The following GC variants were observed in gnomAD, a reference collection of about 807,000 sequenced individuals.
The protein encoded by GC is GC vitamin D binding protein, also known as vitamin D-binding protein.
In GC, 43 loss-of-function variants were observed where a neutral mutation model predicts 56.7. That is an observed-to-expected ratio of 0.76 (90% CI 0.59 to 0.98). The LOEUF is 0.98. Among genes scored for constraint, GC ranks in the 50% least tolerant of loss-of-function variants. The pLI, the probability that GC is intolerant of heterozygous loss-of-function variation, is 0.00. For missense variants in GC, 529 were observed against 545.9 expected (o/e 0.97, Z 0.31); for synonymous variants, 216 against 202.7 (o/e 1.07, Z -0.56).
exon 1 of GC, chr4:71,803,949 C>A (rs1397634560): frequency 6.6e-7 from 1 of 1,504,724 alleles, no homozygotes; most frequent in South Asian, 1.2e-5. Flanking sequence ...CACAGCATTT[C>A]CTACCAGTTG....
At chr4:71,747,224 T>C (rs1185828174) in intron 11 of GC, among the ~76,000 whole-genome samples, 1 of 152,120 alleles carries the variant, frequency 6.6e-6, no homozygotes, top group Non-Finnish European at 1.5e-5. Flanking sequence ...TGGGACAAGA[T>C]ATTGGGGGAG....
intron 1 of GC, among the ~76,000 whole-genome samples, chr4:71,776,650 C>T (rs111978854): frequency 0.03 from 4,509 of 151,720 alleles, 97 homozygotes; most frequent in Middle Eastern, 0.082. Flanking sequence ...ATTTCAAATG[C>T]CTCAGAAAAA....
chr4:71,759,811 A>G (rs1318150200), intron 6 of GC, among the ~76,000 whole-genome samples: 2 of 152,326 alleles, frequency 1.3e-5, no homozygotes, highest in Non-Finnish European at 1.5e-5. Flanking sequence ...CAGATAGCTA[A>G]ATCTGTTCAT....
intron 10 of GC, among the ~76,000 whole-genome samples, chr4:71,754,021 T>G (rs1741639256): frequency 6.6e-6 from 1 of 152,230 alleles, no homozygotes; most frequent in Non-Finnish European, 1.5e-5. Context: ...CCAGAAAAAC[T>G]TAGCTTCTTC....
chr4:71,802,177 T>A (rs1743268031), intron 1 of GC, among the ~76,000 whole-genome samples: 1 of 152,196 alleles, frequency 6.6e-6, no homozygotes. Flanking sequence ...ATTTAAATTA[T>A]TTTGTTTTTA....
At chr4:71,796,405 A>T (rs1743107176) in intron 1 of GC, among the ~76,000 whole-genome samples, 2 of 152,026 alleles carry the variant, frequency 1.3e-5, no homozygotes, top group African/African-American at 4.8e-5. Context: ...ACTCTATTTC[A>T]TTAATTTGAT....
At chr4:71,797,998 A>G (rs909979401) in intron 1 of GC, among the ~76,000 whole-genome samples, 6 of 152,158 alleles carry the variant, frequency 3.9e-5, no homozygotes. Context: ...AGACCACTTG[A>G]TATTATCCCA....
chr4:71,781,185 T>C (rs1222095787), intron 1 of GC, among the ~76,000 whole-genome samples: 1 of 151,750 alleles, frequency 6.6e-6, no homozygotes, highest in Non-Finnish European at 1.5e-5. Context: ...AGTTGAACAA[T>C]GAGAACACTT....
At chr4:71,794,604 C>G (rs186307829) in intron 1 of GC, among the ~76,000 whole-genome samples, 1 of 152,100 alleles carries the variant, frequency 6.6e-6, no homozygotes, top group Admixed American at 6.5e-5. Flanking sequence ...TTTTAAAAAA[C>G]CAGCTCCTGG....
At chr4:71,797,450 T>C (rs1312925722) in intron 1 of GC, among the ~76,000 whole-genome samples, 2 of 152,238 alleles carry the variant, frequency 1.3e-5, no homozygotes, top group African/African-American at 4.8e-5. Flanking sequence ...CTCAGACTGC[T>C]GCGCTAGCAG....
intron 6 of GC, among the ~76,000 whole-genome samples, 161 bp downstream of exon 6, chr4:71,763,247 G>GA (rs1325165190): frequency 1.3e-3 from 203 of 151,996 alleles, no homozygotes; most frequent in Middle Eastern, 6.8e-3. Flanking sequence ...TCTGTATAGA[G>GA]AAAAGAAAAC....
At chr4:71,743,400 T>C (rs972818182) in intron 12 of GC, among the ~76,000 whole-genome samples, 6 of 152,166 alleles carry the variant, frequency 3.9e-5, no homozygotes, top group Non-Finnish European at 8.8e-5. Flanking sequence ...AAAATGGATA[T>C]TTTCTACTTG....
chr4:71,783,394 A>G lies in GC; in HGVS notation c.58+567T>C, dbSNP rs567829859. On this transcript the variant is annotated intron_variant, in intron 1 of 12. Transcript: ENST00000273951. ...ATCTGAAGAATAATTTCAATGAAAA[A>G]TATAACTGAATTATCTTATTTGTGG... Among the ~76,000 whole-genome samples the G allele has an allele frequency of 2.6e-5, 4 of 151,950 alleles. No individual in the cohort carries two copies. In the East Asian group the frequency reaches 7.8e-4, roughly 30 times the overall value.
chr4:71,753,409 A>G (rs1252945046), intron 10 of GC, among the ~76,000 whole-genome samples: 1 of 151,918 alleles, frequency 6.6e-6, no homozygotes, highest in African/African-American at 2.4e-5. Context: ...CAGTTAGTTC[A>G]TAAAAGCATT....
chr4:71,749,445 C>G lies in GC; in HGVS notation c.1395+3073G>C, dbSNP rs373024279. Among the ~76,000 whole-genome samples the G allele has an allele frequency of 1.6e-4, 24 of 152,238 alleles. No individual in the cohort carries two copies. In the East Asian group the frequency reaches 4.4e-3, roughly 28 times the overall value. On this transcript the variant is annotated intron_variant, in intron 11 of 12. Transcript: ENST00000273951. Reference sequence around the variant, plus strand: ...GCAGGACAGTGCATATCTGTATAGACAGATAACAAAGGGACAGGGAAAGGT... The same window carrying G: ...GCAGGACAGTGCATATCTGTATAGAGAGATAACAAAGGGACAGGGAAAGGT...
At chr4:71,777,592 A>G (rs1742546866) in intron 1 of GC, among the ~76,000 whole-genome samples, 1 of 149,404 alleles carries the variant, frequency 6.7e-6, no homozygotes, top group Non-Finnish European at 1.5e-5. Flanking sequence ...TGTTATTTAT[A>G]TTTTTTAAAA....
At chr4:71,756,415 G>T (rs183639750) in intron 8 of GC, among the ~76,000 whole-genome samples, 99 of 152,300 alleles carry the variant, frequency 6.5e-4, no homozygotes, top group African/African-American at 2.3e-3. Context: ...CTGAAGTTCA[G>T]AATTATCAAG....
intron 1 of GC, among the ~76,000 whole-genome samples, chr4:71,798,802 G>A (rs1025940459): frequency 6.6e-6 from 1 of 152,156 alleles, no homozygotes. Flanking sequence ...AGATGGATGG[G>A]AGTGTCAATG....
At chr4:71,763,272 A>G in intron 6 of GC, 136 bp downstream of exon 6, 1 of 429,584 alleles carries the variant, frequency 2.3e-6, no homozygotes, top group Admixed American at 4.0e-5. Context: ...ATTTGGCCAG[A>G]TTTTTGGAGA....
Sources: allele counts gnomAD v4.1 joint callset (sites outside exome capture counted in the v4.1 genomes callset), GRCh38; gene constraint gnomAD v4.1.1; transcripts MANE v1.5; gene names NCBI Gene and HGNC (gene_info 2026-07-23, HGNC 2026-07-21).